Variants in IQGAP3 observed in about 807,000 individuals in gnomAD.
The protein encoded by IQGAP3 is IQ motif containing GTPase activating protein 3.
Under a neutral mutation model 208.2 loss-of-function variants are expected in IQGAP3, and 165 were observed. The observed-to-expected ratio is 0.79, with a 90% confidence interval of 0.70 to 0.90. The LOEUF (loss-of-function observed/expected upper bound fraction) is 0.90. Among genes scored for constraint, IQGAP3 ranks in the 40% least tolerant of loss-of-function variants. The probability of loss-of-function intolerance (pLI) is 0.00; values close to 1 mark genes in which losing one functional copy is unlikely to be tolerated. For synonymous variants in IQGAP3, 703 were observed against 803.6 expected (o/e 0.87, Z 2.12); for missense variants, 1,811 against 2,043.1 (o/e 0.89, Z 2.19).
intron 24 of IQGAP3, 61 bp downstream of exon 24, chr1:156,539,777 C>G: frequency 6.3e-7 from 1 of 1,583,990 alleles, no homozygotes; most frequent in Non-Finnish European, 8.7e-7. Context: ...ACAAGAAGGC[C>G]TTGAAGTCTC....
intron 4 of IQGAP3, among the ~76,000 whole-genome samples, chr1:156,564,929 T>C (rs1676333929): frequency 6.6e-6 from 1 of 152,170 alleles, no homozygotes; most frequent in South Asian, 2.1e-4. Flanking sequence ...TAGGGTGCCC[T>C]GGATTAACCA....
chr1:156,529,928 A>AAAAAAAAAAAAAAG (rs1553221888), intron 34 of IQGAP3, among the ~76,000 whole-genome samples, 177 bp downstream of exon 34: 11 of 150,240 alleles, frequency 7.3e-5, no homozygotes, highest in African/African-American at 2.8e-4. Flanking sequence ...AAAAAAAAAA[A>AAAAAAAAAAAAAAG]AAAAAAGAAA....
At chr1:156,527,393 G>A (rs188419163) in intron 37 of IQGAP3, among the ~76,000 whole-genome samples, 9 of 152,096 alleles carry the variant, frequency 5.9e-5, no homozygotes, top group African/African-American at 1.9e-4. Flanking sequence ...CAGGAGAATC[G>A]CTTGAACCCA....
intron 15 of IQGAP3, 75 bp from the exon 16 acceptor site, chr1:156,550,426 G>T: frequency 8.9e-7 from 1 of 1,121,384 alleles, no homozygotes; most frequent in East Asian, 2.5e-5. Flanking sequence ...AGATGCCCAA[G>T]GGAACCAAAC....
chr1:156,566,056 A>G lies in IQGAP3; in HGVS notation c.331T>C (p.Ser111Pro). 2 of 1,613,998 alleles carry G rather than the reference A, an allele frequency of 1.2e-6. No homozygotes were observed. Among genetic ancestry groups the G allele is most frequent in the Non-Finnish European group, 1.7e-6 (2 of 1,179,894 alleles). ...GGCAGACCGATGTGGGCTATTGCAG[A>G]TAGCCAAAAGTTGATGTTGTCTGTG... ...RHTDNINFWL[S>P]AIAHIGLPST... The change falls in exon 4 of 38, where the codon TCT becomes CCT. Residue 111 changes from serine (S) to proline (P), a missense_variant. Ser to Pro is a moderately conservative substitution (Grantham distance 74). Transcript: ENST00000361170.
Position 156,540,819 on chromosome 1 carries a change from C to T in IQGAP3, c.2628G>A (p.Lys876=). The T allele has an allele frequency of 6.2e-7, 1 of 1,614,144 alleles. No individual in the cohort carries two copies. The highest frequency in any genetic ancestry group is 8.5e-7 in the Non-Finnish European group (1 of 1,180,028). ...QDFLAEAELL[K]LQEEVVRKIR... ...TCTTCCTAACTACCTCTTCCTGGAG[C>T]TTCAGCAGCTCTGCCTCAGCCAAGA... Residue 876 remains lysine, a synonymous_variant, in exon 23 of 38, where the codon AAG becomes AAA. Coordinates refer to ENST00000361170, the MANE Select transcript of IQGAP3 (RefSeq NM_178229.5).
At chr1:156,543,876 C>G in intron 22 of IQGAP3, 105 bp downstream of exon 22, 1 of 966,562 alleles carries the variant, frequency 1.0e-6, no homozygotes, top group Non-Finnish European at 1.7e-6. Flanking sequence ...TTGTGACTAC[C>G]TTCCCCTTAC....
chr1:156,526,171 C>CA lies in IQGAP3; in HGVS notation c.*314dup, dbSNP rs1371053756. On this transcript the variant is annotated 3_prime_UTR_variant, in exon 38 of 38. Coordinates refer to ENST00000361170, the MANE Select transcript of IQGAP3 (RefSeq NM_178229.5). Reference sequence around the variant, plus strand: ...TAATATTGGGGTGACTGTGGGAGGGCAGTAGCAGACACAAGAGTAATGGCT... The same window carrying CA: ...TAATATTGGGGTGACTGTGGGAGGGCAAGTAGCAGACACAAGAGTAATGGCT... 10 of 290,642 alleles carry CA rather than the reference C, an allele frequency of 3.4e-5. 1 individual carries two copies. In the East Asian group the frequency reaches 4.5e-4, roughly 13 times the overall value. 18.0% of individuals were successfully genotyped at this position (290,642 alleles called of 1,614,324 possible). A position where few individuals can be genotyped will look rare whatever the true frequency, so the allele number is the denominator to read the frequency against.
chr1:156,535,073 T>A (rs948830992), intron 28 of IQGAP3, 90 bp downstream of exon 28: 3 of 985,898 alleles, frequency 3.0e-6, no homozygotes, highest in Non-Finnish European at 4.9e-6. Flanking sequence ...TGGCATAGGA[T>A]TTTTTGTGTT....
rs1001328723 is a variant in IQGAP3, at chr1:156,525,594, T to C, written c.*892A>G. The C allele has an allele frequency of 6.6e-6, 1 of 152,400 alleles. No individual in the cohort carries two copies. Among genetic ancestry groups the C allele is most frequent in the African/African-American group, 2.4e-5 (1 of 41,382 alleles). 9.4% of individuals were successfully genotyped at this position (152,400 alleles called of 1,614,324 possible). A position where few individuals can be genotyped will look rare whatever the true frequency, so the allele number is the denominator to read the frequency against. Reference sequence around the variant, plus strand: ...AAAGGGAAAGACTCCTCTTTGATCTTATGAAGCTGAAATAACAAGATCTTA... The same window carrying C: ...AAAGGGAAAGACTCCTCTTTGATCTCATGAAGCTGAAATAACAAGATCTTA... On this transcript the variant is annotated 3_prime_UTR_variant, in exon 38 of 38. Coordinates refer to ENST00000361170, the MANE Select transcript of IQGAP3 (RefSeq NM_178229.5).
rs756872734 is a variant in IQGAP3, at chr1:156,530,124, A to G, written c.4385T>C (p.Leu1462Pro). The G allele has an allele frequency of 1.9e-6, 3 of 1,605,162 alleles. No homozygotes were observed. Among genetic ancestry groups the G allele is most frequent in the South Asian group, 1.1e-5 (1 of 89,280 alleles). The change falls in exon 34 of 38, where the codon CTA (leucine) becomes CCA (proline). Residue 1462 changes from leucine (L) to proline (P), a missense_variant. Physicochemically the swap from Leu to Pro is moderately conservative, Grantham distance 98. Transcript: ENST00000361170. ...LVSARNGYQG[L>P]VDELAKDIRN... ...TGTTACCTTGGCCAGCTCGTCCACT[A>G]GCCCCTGGTAGCCATTTCTGGCGCT...
chr1:156,563,382 G>T, intron 7 of IQGAP3, 70 bp from the exon 8 acceptor site: 1 of 1,482,968 alleles, frequency 6.7e-7, no homozygotes. Context: ...ACCAGTAGCA[G>T]CCCACTCTAA....
intron 10 of IQGAP3, among the ~76,000 whole-genome samples, 178 bp downstream of exon 10, chr1:156,561,660 T>C (rs948854876): frequency 3.3e-5 from 5 of 152,190 alleles, no homozygotes; most frequent in African/African-American, 2.4e-5. Context: ...CCTGGGGGAC[T>C]CTCAGGGACA....
At chr1:156,545,628 T>C (rs1299804688) in intron 19 of IQGAP3, among the ~76,000 whole-genome samples, 2 of 151,936 alleles carry the variant, frequency 1.3e-5, no homozygotes, top group African/African-American at 2.4e-5. Context: ...GCCTCCTAAG[T>C]AGCTGGAATC....
At chr1:156,527,410 A>G (rs937113761) in intron 37 of IQGAP3, among the ~76,000 whole-genome samples, 101 of 152,090 alleles carry the variant, frequency 6.6e-4, no homozygotes, top group Non-Finnish European at 1.3e-3. Context: ...CCCAGGAGGC[A>G]GAGGTTGCAG....
At chr1:156,549,483 A>G (rs959813850) in intron 16 of IQGAP3, among the ~76,000 whole-genome samples, 1 of 151,240 alleles carries the variant, frequency 6.6e-6, no homozygotes. Flanking sequence ...AAAAAAAAAA[A>G]AAAAGAAAAA....
chr1:156,550,231 C>T lies in IQGAP3; in HGVS notation c.1825+30G>A. ...CTGAGCCCACATCACCATCCCTCCC[C>T]TCCCAGGGTCCCCCAACCAGTCCAT... On this transcript the variant is annotated intron_variant, in intron 16 of 37. Coordinates refer to ENST00000361170, the MANE Select transcript of IQGAP3 (RefSeq NM_178229.5). 2.0e-6 allele frequency: 3 copies of T among 1,524,176 alleles called. No individual in the cohort carries two copies. In the South Asian group the frequency reaches 3.4e-5, roughly 17 times the overall value. 94.4% of individuals were successfully genotyped at this position (1,524,176 alleles called of 1,614,324 possible). A position where few individuals can be genotyped will look rare whatever the true frequency, so the allele number is the denominator to read the frequency against.
Position 156,550,404 on chromosome 1 carries a change from G to C in IQGAP3, c.1735-53C>G. On this transcript the variant is annotated intron_variant, in intron 15 of 37. Coordinates refer to ENST00000361170, the MANE Select transcript of IQGAP3 (RefSeq NM_178229.5). The stretch of plus-strand genomic sequence containing the variant: ...TGTGACCCCAAGCTAGTCTCTCTAG[G>C]TTCCCAGGCCAAGATGCCCAAGGGA... The C allele has an allele frequency of 2.8e-6, 4 of 1,423,154 alleles. No individual in the cohort carries two copies. In the South Asian group the frequency reaches 4.7e-5, roughly 17 times the overall value. 88.2% of individuals were successfully genotyped at this position (1,423,154 alleles called of 1,614,324 possible).
intron 33 of IQGAP3, 24 bp from the exon 34 acceptor site, chr1:156,530,341 G>A: frequency 1.9e-6 from 3 of 1,587,024 alleles, no homozygotes; most frequent in South Asian, 2.3e-5. Flanking sequence ...GACGCTGGAG[G>A]GGTCTACCAG....
Sources: allele counts gnomAD v4.1 joint callset (sites outside exome capture counted in the v4.1 genomes callset), GRCh38; gene constraint gnomAD v4.1.1; transcripts MANE v1.5; gene names NCBI Gene and HGNC (gene_info 2026-07-23, HGNC 2026-07-21).